The following CIMAP1D variants were observed in gnomAD, a reference collection of about 807,000 sequenced individuals.
CIMAP1D encodes the protein CIMAP1 family member D.
At chr19:482,945 C>A in the CIMAP1D span, among the ~76,000 whole-genome samples, 1 of 152,204 alleles carries the variant, frequency 6.6e-6, no homozygotes, top group African/African-American at 2.4e-5. Flanking sequence ...CGCCCATGAA[C>A]CAGGGTTTCT....
chr19:476,874 G>T, the CIMAP1D span, among the ~76,000 whole-genome samples: 2 of 152,202 alleles, frequency 1.3e-5, no homozygotes, highest in East Asian at 3.8e-4. Context: ...TGCAGTTAAA[G>T]AAGTACTTAG....
At chr19:486,124 A>T in the CIMAP1D span, among the ~76,000 whole-genome samples, 1 of 152,188 alleles carries the variant, frequency 6.6e-6, no homozygotes, top group Non-Finnish European at 1.5e-5. Context: ...TCTGCTGGGC[A>T]CCCAGCCCAT....
chr19:484,423 G>C, the CIMAP1D span, among the ~76,000 whole-genome samples: 1 of 152,170 alleles, frequency 6.6e-6, no homozygotes, highest in Non-Finnish European at 1.5e-5. Context: ...TTACAGGCAT[G>C]AGCCACCGCG....
the CIMAP1D span, among the ~76,000 whole-genome samples, chr19:469,813 C>T: frequency 1.3e-5 from 2 of 152,200 alleles, no homozygotes; most frequent in Admixed American, 6.5e-5. Flanking sequence ...CAGGGCTTAG[C>T]CATCAGGACT....
At chr19:477,693 C>T in the CIMAP1D span, among the ~76,000 whole-genome samples, 2 of 152,228 alleles carry the variant, frequency 1.3e-5, no homozygotes, top group Admixed American at 6.5e-5. Context: ...CACGGAGTCT[C>T]GCTCTGTCGC....
chr19:480,761 C>T, the CIMAP1D span, among the ~76,000 whole-genome samples: 7,412 of 68,826 alleles, frequency 0.11, 76 homozygotes, highest in East Asian at 0.2. Flanking sequence ...TGATGGAGAA[C>T]GATGATGGAA....
At chr19:484,383 C>T in the CIMAP1D span, among the ~76,000 whole-genome samples, 8,370 of 152,076 alleles carry the variant, frequency 0.055, 377 homozygotes, top group African/African-American at 0.12. Context: ...TCAGGTGATC[C>T]GCCCGCCTTG....
At chr19:465,951 C>T in the CIMAP1D span, among the ~76,000 whole-genome samples, 1 of 46,858 alleles carries the variant, frequency 2.1e-5, no homozygotes, top group Non-Finnish European at 4.8e-5. Flanking sequence ...TGGGTGGATG[C>T]TAGGTGGGTG....
At chr19:471,888 G>A in the CIMAP1D span, among the ~76,000 whole-genome samples, 3,788 of 152,044 alleles carry the variant, frequency 0.025, 76 homozygotes, top group East Asian at 0.089. Flanking sequence ...GACTACAGGC[G>A]CCCGCCACCA....
chr19:472,345 G>C, the CIMAP1D span: 2 of 1,123,142 alleles, frequency 1.8e-6, no homozygotes, highest in Non-Finnish European at 2.5e-6. Flanking sequence ...CTCCTGGGGG[G>C]AGATTGGAGG....
chr19:471,905 G>A, the CIMAP1D span, among the ~76,000 whole-genome samples: 1 of 151,992 alleles, frequency 6.6e-6, no homozygotes, highest in Non-Finnish European at 1.5e-5. Flanking sequence ...ACCACGCCCG[G>A]CTAATTTTTC....
chr19:479,198 C>T, the CIMAP1D span, among the ~76,000 whole-genome samples: 2 of 152,178 alleles, frequency 1.3e-5, no homozygotes, highest in African/African-American at 2.4e-5. Context: ...GCCATCACCA[C>T]CCAGGCACAA....
At chr19:487,719 C>T in the CIMAP1D span, among the ~76,000 whole-genome samples, 13 of 151,230 alleles carry the variant, frequency 8.6e-5, no homozygotes, top group African/African-American at 3.0e-4. Context: ...GTCAGGAGTT[C>T]GAGACCAGCC....
chr19:479,206 C>T, the CIMAP1D span, among the ~76,000 whole-genome samples: 1 of 152,166 alleles, frequency 6.6e-6, no homozygotes, highest in African/African-American at 2.4e-5. Flanking sequence ...CACCCAGGCA[C>T]AAATGTTTCC....
the CIMAP1D span, among the ~76,000 whole-genome samples, chr19:479,160 C>T: frequency 2.6e-5 from 4 of 152,116 alleles, no homozygotes; most frequent in South Asian, 6.2e-4. Context: ...TGACAAACTG[C>T]GTCTGCCGTG....
At chr19:487,062 A>T in the CIMAP1D span, among the ~76,000 whole-genome samples, 1 of 152,084 alleles carries the variant, frequency 6.6e-6, no homozygotes, top group South Asian at 2.1e-4. Context: ...TATCGGGACC[A>T]CAGATTTGAT....
chr19:468,165 A>G, the CIMAP1D span, among the ~76,000 whole-genome samples: 1 of 152,096 alleles, frequency 6.6e-6, no homozygotes, highest in African/African-American at 2.4e-5. Flanking sequence ...CAGGACTTTG[A>G]GACCAGCATG....
At chr19:481,498 T>TGGGAAGGATGAG in the CIMAP1D span, among the ~76,000 whole-genome samples, 1 of 44,662 alleles carries the variant, frequency 2.2e-5, no homozygotes, top group African/African-American at 8.6e-5. Flanking sequence ...GGAAGGATGA[T>TGGGAAGGATGAG]GGGAAGGATG....
chr19:470,949 C>A, the CIMAP1D span, among the ~76,000 whole-genome samples: 1 of 152,208 alleles, frequency 6.6e-6, no homozygotes. Context: ...GCCGGTGCAC[C>A]CCATGCCTGC....
Sources: allele counts gnomAD v4.1 joint callset (sites outside exome capture counted in the v4.1 genomes callset), GRCh38; gene constraint gnomAD v4.1.1; transcripts MANE v1.5; gene names NCBI Gene and HGNC (gene_info 2026-07-23, HGNC 2026-07-21).